TRIP11: variants seen among roughly 807,000 people sequenced by gnomAD.
TRIP11 encodes the protein thyroid receptor-interacting protein 11.
Under a neutral mutation model 223.1 loss-of-function variants are expected in TRIP11, and 148 were observed. The observed-to-expected ratio is 0.66, with a 90% CI of 0.58 to 0.76. TRIP11 has a LOEUF of 0.76. TRIP11 is among the 30% of genes least tolerant of loss of function. The pLI, the probability that TRIP11 is intolerant of heterozygous loss-of-function variation, is 0.00. For synonymous variants in TRIP11, 762 were observed against 772.6 expected, an observed-to-expected ratio of 0.99 and a Z score of 0.23; for missense variants, 2,043 against 2,222.0, an observed-to-expected ratio of 0.92 and a Z score of 1.62.
intron 8 of TRIP11, 25 bp downstream of exon 8, chr14:92,011,730 A>G: frequency 3.1e-6 from 5 of 1,604,008 alleles, no homozygotes; most frequent in Non-Finnish European, 4.3e-6. Context: ...CTCTATGCAC[A>G]TAACATTTGT....
At chr14:91,981,949 C>CA (rs1173591789) in intron 16 of TRIP11, among the ~76,000 whole-genome samples, 1,625 of 121,918 alleles carry the variant, frequency 0.013, 10 homozygotes, top group Middle Eastern at 0.027. Flanking sequence ...ACCGTCTCCA[C>CA]AAAAAAAAAA....
chr14:91,982,910 C>T (rs1396031378), intron 16 of TRIP11, among the ~76,000 whole-genome samples: 1 of 152,206 alleles, frequency 6.6e-6, no homozygotes, highest in Non-Finnish European at 1.5e-5. Flanking sequence ...CTTTTCAGCA[C>T]TCCACTCCAA....
intron 19 of TRIP11, among the ~76,000 whole-genome samples, chr14:91,974,109 T>A (rs1367878072): frequency 6.6e-6 from 1 of 152,216 alleles, no homozygotes; most frequent in Non-Finnish European, 1.5e-5. Flanking sequence ...TTAATATTCA[T>A]CTAGAGCCTA....
At position 91,999,290 on chromosome 14, in the gene TRIP11, T is replaced by C. The variant is rs2056790224; in HGVS notation, c.4842A>G (p.Thr1614=). The C allele has an allele frequency of 6.2e-6, 10 of 1,613,764 alleles. No individual in the cohort carries two copies. Among genetic ancestry groups the C allele is most frequent in the Non-Finnish European group, 8.5e-6 (10 of 1,179,900 alleles). Residue 1614 remains threonine (T), a synonymous_variant, in exon 13 of 21, where the codon ACA becomes ACG. Transcript: ENST00000267622. The stretch of plus-strand genomic sequence containing the variant: ...ATGAAACTAGCTTTTCCTCCAATAC[T>C]GTGACTTTCTTTCTTAGTTTAGCCT... ...DREAKLRKKV[T]VLEEKLVSSS...
Position 92,015,804 on chromosome 14 carries a change from G to A in TRIP11, c.715C>T (p.Leu239=). ...IDDHQHEMSV[L]QNAHQQKLTE... is the part of the protein sequence containing the mutation. ...AATTTCTGTTGGTGTGCATTCTGCA[G>A]TACTGACATTTCATGTTGATGGTCA... is the stretch of plus-strand genomic sequence containing the variant. Residue 239 remains leucine (L), a synonymous_variant, in exon 6 of 21, where the codon CTG becomes TTG. Coordinates refer to ENST00000267622, the MANE Select transcript of TRIP11 (RefSeq NM_004239.4). 2 of 1,613,280 alleles carry A rather than the reference G, an allele frequency of 1.2e-6. No homozygotes were observed. The highest frequency in any genetic ancestry group is 1.1e-5 in the South Asian group (1 of 91,014).
chr14:92,025,231 C>A, intron 3 of TRIP11, 79 bp downstream of exon 3: 1 of 1,115,324 alleles, frequency 9.0e-7, no homozygotes, highest in Non-Finnish European at 1.3e-6. Context: ...GAATATACCT[C>A]GATTTATATT....
In TRIP11 at chr14:92,005,677, G is replaced by A; in HGVS notation, c.2299C>T (p.Leu767Phe). ...ATTTCCATGTCTTTCTTTTGATTGA[G>A]TTTAATTAAATGCTCATGTTCCAGC... is the stretch of plus-strand genomic sequence containing the variant. ...LQLEHEHLIK[L>F]NQKKDMEIAE... is the part of the protein sequence containing the mutation. Residue 767 changes from leucine (L) to phenylalanine (F), a missense_variant, in exon 11 of 21, where the codon CTC becomes TTC. Transcript: ENST00000267622. The A allele has an allele frequency of 1.9e-6, 3 of 1,613,620 alleles. No individual in the cohort carries two copies. The highest frequency in any genetic ancestry group is 1.7e-6 in the Non-Finnish European group (2 of 1,180,000).
chr14:91,977,758 T>G (rs2056485996), intron 16 of TRIP11, among the ~76,000 whole-genome samples: 1 of 152,200 alleles, frequency 6.6e-6, no homozygotes, highest in Admixed American at 6.5e-5. Context: ...GTTTTCATTC[T>G]GCTCTGTACA....
chr14:92,005,497 G>A lies in TRIP11; in HGVS notation c.2479C>T (p.Leu827=). The change falls in exon 11 of 21, where the codon CTG becomes TTG. Residue 827 remains leucine (L), a synonymous_variant. Transcript: ENST00000267622. Reference sequence around the variant, plus strand: ...GAATATTTATCCAATTCCTCCTGCAGCTTTGAACTTCTTTCTTTAAGCTTT... The same window carrying A: ...GAATATTTATCCAATTCCTCCTGCAACTTTGAACTTCTTTCTTTAAGCTTT... ...IEKLKERSSK[L]QEELDKYSQA... 6.2e-7 allele frequency: 1 copy of A among 1,613,612 alleles called. No homozygotes were observed. Among genetic ancestry groups the A allele is most frequent in the Non-Finnish European group, 8.5e-7 (1 of 1,179,950 alleles).
chr14:92,014,450 A>G lies in TRIP11; in HGVS notation c.951T>C (p.Asp317=). Reference sequence around the variant, plus strand: ...CTGCAGAAGATAATTTTTTATTTATATCTTTTATTTTATCCTCAAGTTGTT... The same window carrying G: ...CTGCAGAAGATAATTTTTTATTTATGTCTTTTATTTTATCCTCAAGTTGTT... The part of the protein sequence containing the change: ...KMEQLEDKIK[D]INKKLSSAEN... Residue 317 remains aspartate, a synonymous_variant, in exon 7 of 21, where the codon GAT becomes GAC. Coordinates refer to ENST00000267622, the MANE Select transcript of TRIP11 (RefSeq NM_004239.4). 3.1e-6 allele frequency: 5 copies of G among 1,600,838 alleles called. No individual in the cohort carries two copies. Among genetic ancestry groups the G allele is most frequent in the Non-Finnish European group, 4.3e-6 (5 of 1,174,776 alleles).
Position 92,004,040 on chromosome 14 carries a change from A to C in TRIP11, c.3936T>G (p.Ile1312Met). 4.3e-6 allele frequency: 7 copies of C among 1,614,162 alleles called. No individual in the cohort carries two copies. Among genetic ancestry groups the C allele is most frequent in the Non-Finnish European group, 5.1e-6 (6 of 1,180,024 alleles). ...KDLLLGKLDI[I>M]SPQLSSASLL... ...ATGATGCAGAAGACAGCTGGGGTGAAATAATATCAAGTTTTCCTAAAAGAA... is the reference window on the plus strand; with the variant it reads ...ATGATGCAGAAGACAGCTGGGGTGACATAATATCAAGTTTTCCTAAAAGAA... Residue 1312 changes from isoleucine to methionine, a missense_variant, in exon 11 of 21, where the codon ATT becomes ATG. Ile to Met is a conservative substitution (Grantham distance 10, BLOSUM62 1). Transcript: ENST00000267622.
intron 13 of TRIP11, among the ~76,000 whole-genome samples, chr14:91,996,993 A>C (rs1002717463): frequency 6.6e-6 from 1 of 152,234 alleles, no homozygotes; most frequent in Non-Finnish European, 1.5e-5. Context: ...CTTATTCAAG[A>C]GCAGCCCATT....
chr14:91,977,169 T>A (rs2056475679), intron 16 of TRIP11: 2 of 448,226 alleles, frequency 4.5e-6, no homozygotes, highest in Admixed American at 4.8e-5. Flanking sequence ...AGTAGCTGGA[T>A]ACAAGTTCCG....
Position 92,004,522 on chromosome 14 carries a change from G to T in TRIP11, c.3454C>A (p.Gln1152Lys). The T allele has an allele frequency of 6.2e-7, 1 of 1,613,052 alleles. No individual in the cohort carries two copies. The highest frequency in any genetic ancestry group is 8.5e-7 in the Non-Finnish European group (1 of 1,179,908). The stretch of plus-strand genomic sequence containing the variant: ...TGAATAGTTTCTCTAAACATATCTT[G>T]GCCACTACTTTCAAATCTAGTGGAC... ...KLSTRFESSG[Q>K]DMFRETIQNL... The change falls in exon 11 of 21, where the codon CAA becomes AAA. Residue 1152 changes from glutamine to lysine, a missense_variant. Coordinates refer to ENST00000267622, the MANE Select transcript of TRIP11 (RefSeq NM_004239.4).
chr14:92,027,047 G>A (rs750112715), intron 2 of TRIP11, among the ~76,000 whole-genome samples: 37 of 152,050 alleles, frequency 2.4e-4, no homozygotes, highest in Non-Finnish European at 4.3e-4. Flanking sequence ...TCTCCACCAC[G>A]CAACCCAAAC....
At chr14:92,013,385 C>T (rs1009320515) in intron 7 of TRIP11, among the ~76,000 whole-genome samples, 3 of 152,206 alleles carry the variant, frequency 2.0e-5, no homozygotes, top group African/African-American at 7.2e-5. Flanking sequence ...AAGGAAGATA[C>T]CATTATTATC....
chr14:91,992,839 G>C (rs112276869), intron 15 of TRIP11, among the ~76,000 whole-genome samples: 3,846 of 148,964 alleles, frequency 0.026, 167 homozygotes, highest in African/African-American at 0.089. Flanking sequence ...AACCCAGGAG[G>C]GGGAGTTTGC....
intron 16 of TRIP11, among the ~76,000 whole-genome samples, chr14:91,983,126 C>T (rs953426521): frequency 1.3e-5 from 2 of 152,172 alleles, no homozygotes; most frequent in African/African-American, 4.8e-5. Flanking sequence ...GTCTACCCTT[C>T]CATGCTACCA....
chr14:91,969,924 A>T, intron 20 of TRIP11, 31 bp from the exon 21 acceptor site: 2 of 1,591,370 alleles, frequency 1.3e-6, no homozygotes, highest in Non-Finnish European at 1.7e-6. Flanking sequence ...TTAGTCTCCT[A>T]TCTTTCACAA....
Sources: allele counts gnomAD v4.1 joint callset (sites outside exome capture counted in the v4.1 genomes callset), GRCh38; gene constraint gnomAD v4.1.1; transcripts MANE v1.5; gene names NCBI Gene and HGNC (gene_info 2026-07-23, HGNC 2026-07-21).